The following GABRB3 variants were observed in gnomAD, a reference collection of about 807,000 sequenced individuals.
GABRB3 encodes gamma-aminobutyric acid type A receptor subunit beta3.
GABRB3 carries 14 observed loss-of-function variants against 52.1 expected under a neutral mutation model. The ratio of observed to expected loss-of-function variants is 0.27; its 90% CI spans 0.18 to 0.42. The LOEUF (loss-of-function observed/expected upper bound fraction) is 0.42, where lower values mean the gene tolerates loss of function less well. Ranked by LOEUF, GABRB3 falls within the 10% of genes least tolerant of loss-of-function variation. The pLI is 1.00. For synonymous variants in GABRB3, 260 were observed against 232.3 expected, an observed-to-expected ratio of 1.12 and a Z score of -1.08; for missense variants, 307 against 609.1, an observed-to-expected ratio of 0.50 and a Z score of 5.22.
At chr15:26,693,320 C>T (rs1402272925) in intron 3 of GABRB3, among the ~76,000 whole-genome samples, 1 of 152,182 alleles carries the variant, frequency 6.6e-6, no homozygotes, top group East Asian at 1.9e-4. Context: ...GCTGGCTCAG[C>T]GTTCCTAGCA....
chr15:26,705,938 T>C (rs1177672472), intron 3 of GABRB3, among the ~76,000 whole-genome samples: 1 of 152,128 alleles, frequency 6.6e-6, no homozygotes, highest in Non-Finnish European at 1.5e-5. Context: ...AAACTTCCTA[T>C]TGGGTACCAT....
At chr15:26,552,741 C>T (rs1232399943) in intron 8 of GABRB3, among the ~76,000 whole-genome samples, 1 of 152,144 alleles carries the variant, frequency 6.6e-6, no homozygotes, top group Non-Finnish European at 1.5e-5. Flanking sequence ...TCTTTATCTC[C>T]TTCCAGCATC....
intron 3 of GABRB3, among the ~76,000 whole-genome samples, chr15:26,692,145 T>C (rs549261061): frequency 1.3e-5 from 2 of 152,340 alleles, no homozygotes; most frequent in East Asian, 1.9e-4. Flanking sequence ...ATCAACTCAA[T>C]ATTGACGGGC....
chr15:26,715,410 C>T (rs1009307803), intron 3 of GABRB3, among the ~76,000 whole-genome samples: 5 of 152,018 alleles, frequency 3.3e-5, no homozygotes, highest in African/African-American at 1.2e-4. Context: ...AGAATTTTTC[C>T]CTGCAGCTGT....
intron 4 of GABRB3, among the ~76,000 whole-genome samples, chr15:26,586,616 C>A (rs1178445688): frequency 7.0e-6 from 1 of 143,046 alleles, no homozygotes; most frequent in Non-Finnish European, 1.5e-5. Flanking sequence ...AAAATGGAGC[C>A]CCATTTCAGT....
Position 26,772,897 on chromosome 15 carries a change from C to T in GABRB3, c.66G>A (p.Val22=). The T allele has an allele frequency of 6.7e-7, 1 of 1,496,666 alleles. No homozygotes were observed. Among genetic ancestry groups the T allele is most frequent in the Non-Finnish European group, 8.9e-7 (1 of 1,122,334 alleles). 92.7% of individuals were successfully genotyped at this position (1,496,666 alleles called of 1,614,324 possible). ...IFSAPVLVAV[V]CCAQSVNDPG... ...CGCGACCCTACCTCTGGGCGCAGCA[C>T]ACCACAGCCACCAGCACCGGGGCCG... Residue 22 remains valine, a synonymous_variant, in exon 1 of 9, where the codon GTG becomes GTA. Coordinates refer to ENST00000311550, the MANE Select transcript of GABRB3 (RefSeq NM_000814.6).
intron 3 of GABRB3, among the ~76,000 whole-genome samples, chr15:26,771,071 GA>G (rs1163111524): frequency 6.6e-6 from 1 of 152,132 alleles, no homozygotes; most frequent in African/African-American, 2.4e-5. Flanking sequence ...GATTAACAGT[GA>G]AAAATTAATG....
chr15:26,547,210 C>T lies in GABRB3; in HGVS notation c.*583G>A, dbSNP rs536525338. The T allele has an allele frequency of 1.3e-4, 33 of 254,608 alleles. No homozygotes were observed. The highest frequency in any genetic ancestry group is 5.9e-4 in the African/African-American group (27 of 45,474). The allele number at this position is 254,608 out of a possible 1,614,324, so 15.8% of individuals were successfully genotyped here. A position where few individuals can be genotyped will look rare whatever the true frequency, so the allele number is the denominator to read the frequency against. On this transcript the variant is annotated 3_prime_UTR_variant, in exon 9 of 9. Transcript: ENST00000311550. ...TAAACCATTGCAGAAAACGTATGCC[C>T]GATGAAAACAAACCCCATCACCAGA...
At position 26,583,309 on chromosome 15, in the gene GABRB3, G is replaced by A. The variant is rs767735435; in HGVS notation, c.544+23C>T. ...TCAAAAGTACAAATAGGAGGAGAAA[G>A]AAACACAGATACGGATACACACAGC... On this transcript the variant is annotated intron_variant, in intron 5 of 8. Transcript: ENST00000311550. 3.8e-6 allele frequency: 6 copies of A among 1,583,654 alleles called. No homozygotes were observed. The African/African-American group carries it at 5.4e-5, about 14-fold the overall frequency.
intron 3 of GABRB3, among the ~76,000 whole-genome samples, chr15:26,690,663 G>T (rs1026667504): frequency 6.6e-6 from 1 of 151,854 alleles, no homozygotes; most frequent in Non-Finnish European, 1.5e-5. Context: ...CCCAGTGATC[G>T]TGGGGCTGAT....
intron 3 of GABRB3, among the ~76,000 whole-genome samples, chr15:26,697,833 C>T (rs539748738): frequency 7.2e-5 from 11 of 152,308 alleles, no homozygotes; most frequent in African/African-American, 2.2e-4. Flanking sequence ...CAGGCAACCA[C>T]GCTGTGCTCT....
chr15:26,731,132 A>T (rs895020968), intron 3 of GABRB3, among the ~76,000 whole-genome samples: 1 of 152,228 alleles, frequency 6.6e-6, no homozygotes, highest in Non-Finnish European at 1.5e-5. Context: ...TACAAAGATT[A>T]TAATTGACAT....
Position 26,583,375 on chromosome 15 carries a change from T to C in GABRB3, c.501A>G (p.Arg167=), listed in dbSNP as rs1175964688. ...TTAACMMDLR[R]YPLDEQNCTL... is the part of the protein sequence containing the mutation. ...TGCAGTTCTGCTCGTCCAGGGGGTA[T>C]CTCCTGAGGTCCATCATGCATGCTG... Residue 167 remains arginine (R), a synonymous_variant, in exon 5 of 9, where the codon AGA becomes AGG. Coordinates refer to ENST00000311550, the MANE Select transcript of GABRB3 (RefSeq NM_000814.6). 1 of 1,613,914 alleles carries C rather than the reference T, an allele frequency of 6.2e-7. No individual in the cohort carries two copies. The highest frequency in any genetic ancestry group is 2.2e-5 in the East Asian group (1 of 44,884).
chr15:26,604,544 G>A (rs1356774337), intron 4 of GABRB3, among the ~76,000 whole-genome samples: 4 of 152,070 alleles, frequency 2.6e-5, no homozygotes, highest in Non-Finnish European at 2.9e-5. Flanking sequence ...AATCAAAACA[G>A]AATAGTACTG....
intron 3 of GABRB3, among the ~76,000 whole-genome samples, chr15:26,654,279 G>A (rs7181253): frequency 0.5 from 76,613 of 152,024 alleles, 21,186 homozygotes; most frequent in Non-Finnish European, 0.62. Context: ...CCGAGTAGCT[G>A]GGACTACAGG....
intron 3 of GABRB3, among the ~76,000 whole-genome samples, chr15:26,654,422 A>G (rs548037068): frequency 6.6e-6 from 1 of 151,690 alleles, no homozygotes; most frequent in Non-Finnish European, 1.5e-5. Flanking sequence ...CTGGGATTAC[A>G]GGCGTGAGCC....
At chr15:26,742,233 C>T (rs1446934117) in intron 3 of GABRB3, among the ~76,000 whole-genome samples, 1 of 152,128 alleles carries the variant, frequency 6.6e-6, no homozygotes, top group Non-Finnish European at 1.5e-5. Flanking sequence ...TGGGTCCTTC[C>T]CAGGACTGGC....
intron 6 of GABRB3, among the ~76,000 whole-genome samples, chr15:26,576,299 A>G (rs1439928463): frequency 6.6e-5 from 10 of 152,246 alleles, no homozygotes; most frequent in Admixed American, 6.5e-4. Flanking sequence ...ACAACAGAGT[A>G]TTCTGGATAA....
intron 7 of GABRB3, among the ~76,000 whole-genome samples, chr15:26,562,396 T>G (rs1890023818): frequency 6.6e-6 from 1 of 152,198 alleles, no homozygotes; most frequent in African/African-American, 2.4e-5. Flanking sequence ...CCGCATTGCT[T>G]TGTCAGGCTT....
Sources: gnomAD v4.1 joint callset for allele counts (sites outside exome capture counted in the v4.1 genomes callset) on GRCh38, gnomAD v4.1.1 for gene constraint, MANE v1.5 for transcripts, NCBI Gene and HGNC (gene_info 2026-07-23, HGNC 2026-07-21) for gene names.